SYTL2: variants seen among roughly 807,000 people sequenced by gnomAD.
The protein encoded by SYTL2 is synaptotagmin-like protein 2.
Under a neutral mutation model 198.7 loss-of-function variants are expected in SYTL2, and 165 were observed. The observed-to-expected ratio is 0.83, with a 90% confidence interval of 0.73 to 0.94. The LOEUF is 0.94. SYTL2 is among the 40% of genes least tolerant of loss of function. The probability of loss-of-function intolerance (pLI) is 0.00; values close to 1 mark genes in which losing one functional copy is unlikely to be tolerated. For synonymous variants in SYTL2, 966 were observed against 917.7 expected, an observed-to-expected ratio of 1.05 and a Z score of -0.95; for missense variants, 2,835 against 2,582.8, an observed-to-expected ratio of 1.10 and a Z score of -2.12.
intron 9 of SYTL2, 31 bp from the exon 10 acceptor site, chr11:85,718,874 A>G (rs777949928): frequency 2.1e-5 from 34 of 1,611,308 alleles, no homozygotes; most frequent in Non-Finnish European, 2.8e-5. Context: ...AATGGTTAAC[A>G]TGGCTGACCC....
At chr11:85,698,323 T>G (rs1423556608) in intron 17 of SYTL2, among the ~76,000 whole-genome samples, 1 of 152,202 alleles carries the variant, frequency 6.6e-6, no homozygotes, top group Admixed American at 6.5e-5. Flanking sequence ...CATTAGCACA[T>G]CATTCATTTG....
At chr11:85,795,395 G>A (rs2092788913) in intron 1 of SYTL2, among the ~76,000 whole-genome samples, 1 of 152,132 alleles carries the variant, frequency 6.6e-6, no homozygotes, top group Non-Finnish European at 1.5e-5. Flanking sequence ...TGTGATTTGG[G>A]CAGCAGAAAA....
intron 1 of SYTL2, among the ~76,000 whole-genome samples, chr11:85,774,689 G>A (rs2153585572): frequency 6.6e-6 from 1 of 152,272 alleles, no homozygotes; most frequent in Admixed American, 6.5e-5. Flanking sequence ...GGAAGTATGA[G>A]GTTATAGCAT....
At chr11:85,762,564 C>T (rs2092127153) in intron 1 of SYTL2, among the ~76,000 whole-genome samples, 1 of 152,338 alleles carries the variant, frequency 6.6e-6, no homozygotes, top group African/African-American at 2.4e-5. Flanking sequence ...TCTCCATGAA[C>T]TAGCACCTGC....
chr11:85,792,953 T>C (rs1474536213), intron 1 of SYTL2, among the ~76,000 whole-genome samples: 6 of 151,608 alleles, frequency 4.0e-5, no homozygotes, highest in Non-Finnish European at 7.4e-5. Context: ...ACAAAGGACA[T>C]GAACTCATCA....
At chr11:85,787,984 T>A (rs1371151770) in intron 1 of SYTL2, among the ~76,000 whole-genome samples, 2 of 152,192 alleles carry the variant, frequency 1.3e-5, no homozygotes, top group African/African-American at 4.8e-5. Context: ...TCTGAAAATA[T>A]ATTTGCTCTT....
chr11:85,768,150 C>T (rs2153573206), intron 1 of SYTL2, among the ~76,000 whole-genome samples: 1 of 152,330 alleles, frequency 6.6e-6, no homozygotes, highest in African/African-American at 2.4e-5. Flanking sequence ...TGCTCAATTC[C>T]ATCTGGTCAG....
chr11:85,752,181 C>T (rs1193233806), intron 2 of SYTL2, among the ~76,000 whole-genome samples: 1 of 152,174 alleles, frequency 6.6e-6, no homozygotes, highest in Non-Finnish European at 1.5e-5. Context: ...CAGCTGCTGG[C>T]CAGATAGGTT....
At chr11:85,851,344 T>G in the SYTL2 span, among the ~76,000 whole-genome samples, 1 of 152,380 alleles carries the variant, frequency 6.6e-6, no homozygotes, top group South Asian at 2.1e-4. Flanking sequence ...TACCAAAAGT[T>G]TGAACTGGTT....
chr11:85,803,574 A>C (rs1331898666), intron 1 of SYTL2, among the ~76,000 whole-genome samples: 1 of 152,240 alleles, frequency 6.6e-6, no homozygotes, highest in Non-Finnish European at 1.5e-5. Context: ...GGTTTTCTGG[A>C]ACAGTCCTAG....
the SYTL2 span, among the ~76,000 whole-genome samples, chr11:85,845,859 T>C: frequency 6.6e-6 from 1 of 152,102 alleles, no homozygotes; most frequent in Non-Finnish European, 1.5e-5. Flanking sequence ...GAGCTTGCAG[T>C]GAGCCAAGAT....
At chr11:85,816,738 G>A in the SYTL2 span, among the ~76,000 whole-genome samples, 13 of 151,790 alleles carry the variant, frequency 8.6e-5, no homozygotes, top group Middle Eastern at 3.4e-3. Flanking sequence ...AGTGAGACTT[G>A]TTCTCTACAA....
intron 1 of SYTL2, among the ~76,000 whole-genome samples, chr11:85,808,008 G>T (rs892231273): frequency 1.3e-5 from 2 of 152,084 alleles, no homozygotes; most frequent in Non-Finnish European, 2.9e-5. Context: ...AAAAGATTTG[G>T]AACGCTATAT....
chr11:85,747,233 T>C (rs889875208), intron 3 of SYTL2, among the ~76,000 whole-genome samples: 2 of 151,794 alleles, frequency 1.3e-5, no homozygotes, highest in African/African-American at 4.8e-5. Context: ...GGCAGGAAGA[T>C]TGCTTGAGGC....
At chr11:85,741,536 A>T (rs1435599976) in intron 4 of SYTL2, among the ~76,000 whole-genome samples, 1 of 152,220 alleles carries the variant, frequency 6.6e-6, no homozygotes, top group Non-Finnish European at 1.5e-5. Flanking sequence ...TAAGAGTTCA[A>T]TATAAATGAC....
intron 7 of SYTL2, among the ~76,000 whole-genome samples, chr11:85,730,387 T>C (rs1479019784): frequency 1.3e-5 from 2 of 152,298 alleles, no homozygotes; most frequent in East Asian, 1.9e-4. Flanking sequence ...TCAAAAAGCT[T>C]ATCGACTATG....
intron 1 of SYTL2, among the ~76,000 whole-genome samples, chr11:85,787,391 C>T (rs1228600804): frequency 6.6e-6 from 1 of 152,168 alleles, no homozygotes; most frequent in African/African-American, 2.4e-5. Context: ...AAATAGCAGC[C>T]ATTTCTTAGT....
intron 1 of SYTL2, among the ~76,000 whole-genome samples, chr11:85,764,951 A>G (rs944702408): frequency 1.3e-5 from 2 of 152,222 alleles, no homozygotes; most frequent in African/African-American, 2.4e-5. Flanking sequence ...TGTTTATACG[A>G]AAAGCAAACT....
At chr11:85,826,821 A>C in the SYTL2 span, among the ~76,000 whole-genome samples, 1 of 152,212 alleles carries the variant, frequency 6.6e-6, no homozygotes, top group South Asian at 2.1e-4. Flanking sequence ...GCAGGTATGA[A>C]TCCTGCCGAA....
Sources: gnomAD v4.1 joint callset for allele counts (sites outside exome capture counted in the v4.1 genomes callset) on GRCh38, gnomAD v4.1.1 for gene constraint, MANE v1.5 for transcripts, NCBI Gene and HGNC (gene_info 2026-07-23, HGNC 2026-07-21) for gene names.